DCUN1D4: variants seen among roughly 807,000 people sequenced by gnomAD.
DCUN1D4 encodes the protein DCN1-like protein 4.
DCUN1D4 carries 22 observed loss-of-function variants against 47.9 expected under a neutral mutation model. The ratio of observed to expected loss-of-function variants is 0.46; its 90% confidence interval spans 0.33 to 0.66. DCUN1D4 has a LOEUF of 0.66. Ranked by LOEUF, DCUN1D4 falls within the 30% of genes least tolerant of loss-of-function variation. DCUN1D4 has a pLI of 0.02. For missense variants in DCUN1D4, 301 were observed against 340.8 expected (o/e 0.88, Z 0.92); for synonymous variants, 121 against 112.2 (o/e 1.08, Z -0.50).
upstream of DCUN1D4, among the ~76,000 whole-genome samples, chr4:51,839,035 A>G (rs1170342105): frequency 6.6e-6 from 1 of 151,982 alleles, no homozygotes; most frequent in African/African-American, 2.4e-5. Context: ...AGATCCCACC[A>G]CTGCACTCCA....
intron 5 of DCUN1D4, 57 bp from the exon 6 acceptor site, chr4:51,886,510 GT>G: frequency 2.8e-6 from 4 of 1,412,332 alleles, no homozygotes; most frequent in Non-Finnish European, 4.0e-6. Context: ...TACTACTACA[GT>G]GGTAATAGTA....
chr4:51,896,819 C>G (rs1395205619), intron 7 of DCUN1D4, among the ~76,000 whole-genome samples: 1 of 152,162 alleles, frequency 6.6e-6, no homozygotes, highest in Non-Finnish European at 1.5e-5. Context: ...AGATGCAGCC[C>G]TGATCGTGGT....
At chr4:51,866,388 T>C (rs1725913693) in intron 3 of DCUN1D4, among the ~76,000 whole-genome samples, 1 of 119,124 alleles carries the variant, frequency 8.4e-6, no homozygotes, top group Non-Finnish European at 1.6e-5. Context: ...GTGATGATGA[T>C]GATGATGATG....
chr4:51,895,516 C>T (rs1038991364), intron 7 of DCUN1D4, among the ~76,000 whole-genome samples: 8 of 142,374 alleles, frequency 5.6e-5, no homozygotes, highest in African/African-American at 7.7e-5. Flanking sequence ...GACACAGCTC[C>T]TGTTTTGGTC....
intron 5 of DCUN1D4, 160 bp downstream of exon 5, chr4:51,878,014 C>T (rs1160711322): frequency 2.4e-6 from 1 of 408,206 alleles, no homozygotes; most frequent in Middle Eastern, 6.8e-4. Flanking sequence ...AACAAATCAC[C>T]AGATAGCCTA....
intron 7 of DCUN1D4, among the ~76,000 whole-genome samples, chr4:51,898,400 G>C (rs932293097): frequency 2.0e-5 from 3 of 152,202 alleles, no homozygotes; most frequent in Non-Finnish European, 4.4e-5. Flanking sequence ...TCCTGGGTAG[G>C]ATGTTCATTG....
chr4:51,895,056 C>G (rs1731022971), intron 7 of DCUN1D4, among the ~76,000 whole-genome samples: 1 of 152,088 alleles, frequency 6.6e-6, no homozygotes, highest in Admixed American at 6.6e-5. Flanking sequence ...TAATCTCATT[C>G]AGGAGGATTC....
At chr4:51,913,083 C>T (rs1342901475) in intron 9 of DCUN1D4, among the ~76,000 whole-genome samples, 1 of 152,004 alleles carries the variant, frequency 6.6e-6, no homozygotes, top group Non-Finnish European at 1.5e-5. Context: ...TGTATTGAGA[C>T]CCTGTCATAT....
Position 51,913,347 on chromosome 4 carries a change from A to C in DCUN1D4, c.778A>C (p.Arg260=). 1 of 1,613,018 alleles carries C rather than the reference A, an allele frequency of 6.2e-7. No individual in the cohort carries two copies. Among genetic ancestry groups the C allele is most frequent in the Non-Finnish European group, 8.5e-7 (1 of 1,179,330 alleles). Residue 260 remains arginine (R), a synonymous_variant, in exon 10 of 11, where the codon AGA becomes CGA. Coordinates refer to ENST00000334635, the MANE Select transcript of DCUN1D4 (RefSeq NM_001040402.3). ...DQWCNVLEFS[R]TINLDLSNYD... ...GTGGTGCAATGTCCTAGAGTTTAGC[A>C]GAACAATTAATCTTGACCTCAGCAA...
At chr4:51,877,738 T>C (rs1211152429) in intron 4 of DCUN1D4, 25 bp from the exon 5 acceptor site, 12 of 1,514,726 alleles carry the variant, frequency 7.9e-6, no homozygotes, top group African/African-American at 1.4e-5. Context: ...TTTAAATAAC[T>C]TAAAACTGCC....
intron 7 of DCUN1D4, among the ~76,000 whole-genome samples, chr4:51,895,084 A>G (rs185624641): frequency 6.6e-6 from 1 of 152,204 alleles, no homozygotes; most frequent in East Asian, 1.9e-4. Context: ...AGGACCTAAT[A>G]ATCTCACAAA....
At position 51,904,216 on chromosome 4, in the gene DCUN1D4, C is replaced by T. The variant is rs1446425092; in HGVS notation, c.615+4838C>T. Among the ~76,000 whole-genome samples the T allele has an allele frequency of 1.6e-4, 25 of 151,990 alleles. 1 individual carries two copies. The highest frequency in any genetic ancestry group is 2.9e-5 in the Non-Finnish European group (2 of 68,000). On this transcript the variant is annotated intron_variant, in intron 8 of 10. Coordinates refer to ENST00000334635, the MANE Select transcript of DCUN1D4 (RefSeq NM_001040402.3). ...GCAGTCTTGATAGGGATGATTTGGC[C>T]CCACTACTAAGGCAATATTTTTTTT...
At chr4:51,842,839 G>C (rs1721811975), upstream of DCUN1D4, among the ~76,000 whole-genome samples, 1 of 152,208 alleles carries the variant, frequency 6.6e-6, no homozygotes, top group Non-Finnish European at 1.5e-5. Context: ...ACTGGGCGGG[G>C]TTTCAGGGTC....
chr4:51,898,984 C>T (rs1427033484), intron 7 of DCUN1D4, among the ~76,000 whole-genome samples: 2 of 152,120 alleles, frequency 1.3e-5, no homozygotes, highest in Non-Finnish European at 2.9e-5. Context: ...ATGTTTGCAA[C>T]TTTTAAATGG....
chr4:51,911,474 CT>C (rs1733708989), intron 9 of DCUN1D4, among the ~76,000 whole-genome samples: 1 of 152,064 alleles, frequency 6.6e-6, no homozygotes, highest in East Asian at 1.9e-4. Flanking sequence ...ATTTTCTGTT[CT>C]TTGTAACAAT....
Position 51,899,347 on chromosome 4 carries a change from T to C in DCUN1D4, c.584T>C (p.Leu195Pro). 6.2e-7 allele frequency: 1 copy of C among 1,608,374 alleles called. No homozygotes were observed. ...TTAAATGATTCTACAAACTTTAAAC[T>C]TATTTACAGATATGCGTTTGACTTT... The part of the protein sequence containing the change: ...SFLNDSTNFK[L>P]IYRYAFDFAR... The change falls in exon 8 of 11, where the codon CTT (leucine) becomes CCT (proline). Residue 195 changes from leucine to proline, a missense_variant. Physicochemically the swap from Leu to Pro is moderately conservative, Grantham distance 98. Coordinates refer to ENST00000334635, the MANE Select transcript of DCUN1D4 (RefSeq NM_001040402.3).
At chr4:51,872,262 T>C (rs1223967370) in intron 3 of DCUN1D4, among the ~76,000 whole-genome samples, 1 of 152,198 alleles carries the variant, frequency 6.6e-6, no homozygotes, top group African/African-American at 2.4e-5. Flanking sequence ...AGCCCAGATA[T>C]GAACTGGGAT....
chr4:51,910,943 G>A, intron 8 of DCUN1D4, 127 bp from the exon 9 acceptor site: 1 of 865,728 alleles, frequency 1.2e-6, no homozygotes, highest in South Asian at 1.5e-5. Flanking sequence ...TCTGGATGCA[G>A]GGTCTTTAAG....
intron 1 of DCUN1D4, chr4:51,844,261 C>T: frequency 6.7e-6 from 6 of 900,044 alleles, no homozygotes; most frequent in Non-Finnish European, 7.8e-6. Flanking sequence ...CTCTCCCTGT[C>T]GAGGCAGGGT....
Sources: allele counts gnomAD v4.1 joint callset (sites outside exome capture counted in the v4.1 genomes callset), GRCh38; gene constraint gnomAD v4.1.1; transcripts MANE v1.5; gene names NCBI Gene and HGNC (gene_info 2026-07-23, HGNC 2026-07-21).